UVSSA: variants seen among roughly 807,000 people sequenced by gnomAD.
UVSSA encodes the protein UV-stimulated scaffold protein A.
Under a neutral mutation model 73.9 loss-of-function variants are expected in UVSSA, and 72 were observed. The ratio of observed to expected loss-of-function variants is 0.97; its 90% CI spans 0.81 to 1.19. UVSSA has a LOEUF of 1.19. Among genes scored for constraint, UVSSA ranks in the 50% most tolerant of loss-of-function variants. The pLI is 0.00. For missense variants in UVSSA, 1,150 were observed against 965.0 expected, an observed-to-expected ratio of 1.19 and a Z score of -2.54; for synonymous variants, 454 against 391.3, an observed-to-expected ratio of 1.16 and a Z score of -1.89.
intron 7 of UVSSA, among the ~76,000 whole-genome samples, chr4:1,356,375 C>T (rs562867089): frequency 6.6e-6 from 1 of 152,274 alleles, no homozygotes; most frequent in Admixed American, 6.5e-5. Context: ...GTGTGCAGCC[C>T]CCCCAGGGGC....
At chr4:1,360,183 G>A (rs368496075) in intron 7 of UVSSA, among the ~76,000 whole-genome samples, 1 of 152,246 alleles carries the variant, frequency 6.6e-6, no homozygotes, top group Non-Finnish European at 1.5e-5. Context: ...GCCCACGGGG[G>A]GCGGGGTGCA....
intron 8 of UVSSA, among the ~76,000 whole-genome samples, chr4:1,367,633 G>T (rs1464836925): frequency 1.3e-5 from 2 of 152,120 alleles, no homozygotes; most frequent in African/African-American, 4.8e-5. Context: ...GGGTCTGGAA[G>T]AAAGCCTCAG....
At chr4:1,350,808 G>A (rs1303813516) in intron 3 of UVSSA, among the ~76,000 whole-genome samples, 3 of 151,920 alleles carry the variant, frequency 2.0e-5, no homozygotes, top group Non-Finnish European at 4.4e-5. Flanking sequence ...CAGACGCATA[G>A]GGCTCTTGGC....
chr4:1,346,093 G>A (rs1713648751), upstream of UVSSA, among the ~76,000 whole-genome samples: 2 of 152,184 alleles, frequency 1.3e-5, no homozygotes, highest in East Asian at 1.9e-4. Flanking sequence ...TGACGCCCAG[G>A]GACAGAAGCT....
Position 1,387,326 on chromosome 4 carries a change from T to G in UVSSA, c.*1365T>G, listed in dbSNP as rs1281196688. 1.3e-5 allele frequency: 2 copies of G among 152,184 alleles called. No individual in the cohort carries two copies. Among genetic ancestry groups the G allele is most frequent in the Non-Finnish European group, 2.9e-5 (2 of 68,042 alleles). 9.4% of individuals were successfully genotyped at this position (152,184 alleles called of 1,614,324 possible). On this transcript the variant is annotated 3_prime_UTR_variant, in exon 14 of 14. Transcript: ENST00000389851. ...CTCTTGACCTCGTGATCCACCCACC[T>G]CGGCCTCCCATAGTGCTGGGATTAC... is the stretch of plus-strand genomic sequence containing the variant.
At chr4:1,383,990 G>A (rs759083328) in intron 13 of UVSSA, 50 bp downstream of exon 13, 1 of 1,541,100 alleles carries the variant, frequency 6.5e-7, no homozygotes, top group South Asian at 1.2e-5. Flanking sequence ...CCCCGTGTGA[G>A]GGTGTTCGAG....
chr4:1,393,138 T>A (rs1005102427), exon 14 of UVSSA: 1 of 152,236 alleles, frequency 6.6e-6, no homozygotes, highest in Admixed American at 6.5e-5. Flanking sequence ...TTTTTTCTTC[T>A]TCTCAGAATG....
In UVSSA at chr4:1,353,029, G is replaced by T. The variant is rs886579502; in HGVS notation, c.551-1G>T. ...AAACAGGTGTCTTGATCTTCCGGCAGAAATGTCTGGAGAAATTGAATCCTG... is the reference window on the plus strand; with the variant it reads ...AAACAGGTGTCTTGATCTTCCGGCATAAATGTCTGGAGAAATTGAATCCTG... On this transcript the variant is annotated splice_acceptor_variant, in intron 4 of 13. Transcript: ENST00000389851. LOFTEE classifies it high-confidence loss of function. 6.2e-6 allele frequency: 10 copies of T among 1,605,876 alleles called. No individual in the cohort carries two copies. Among genetic ancestry groups the T allele is most frequent in the Non-Finnish European group, 8.5e-6 (10 of 1,175,842 alleles).
chr4:1,383,342 C>T (rs907840414), intron 12 of UVSSA, among the ~76,000 whole-genome samples: 2 of 152,182 alleles, frequency 1.3e-5, no homozygotes, highest in Non-Finnish European at 2.9e-5. Flanking sequence ...CACAGTTTGC[C>T]TAGTGGGGCA....
Position 1,349,729 on chromosome 4 carries a change from C to G in UVSSA, c.304C>G (p.Pro102Ala), listed in dbSNP as rs547223483. The stretch of plus-strand genomic sequence containing the variant: ...AGACCCCGCACAGCCTCTGCCGCCC[C>G]CCAGGGAGGCGGCACAGAGGCTGAG... ...GTDPAQPLPPPREAAQRLRQA... is the reference protein window; with the variant it reads ...GTDPAQPLPPAREAAQRLRQA... The change falls in exon 3 of 14, where the codon CCC becomes GCC. Residue 102 changes from proline (P) to alanine (A), a missense_variant. Coordinates refer to ENST00000389851, the MANE Select transcript of UVSSA (RefSeq NM_020894.4). 1 of 1,613,608 alleles carries G rather than the reference C, an allele frequency of 6.2e-7. No individual in the cohort carries two copies. Among genetic ancestry groups the G allele is most frequent in the South Asian group, 1.1e-5 (1 of 91,068 alleles).
chr4:1,365,906 A>C (rs1201481917), intron 7 of UVSSA, among the ~76,000 whole-genome samples: 2 of 151,398 alleles, frequency 1.3e-5, no homozygotes, highest in African/African-American at 2.4e-5. Context: ...CCTGGTGAGA[A>C]GATAACTGCC....
In UVSSA at chr4:1,376,157, G is replaced by A. The variant is rs769154973; in HGVS notation, c.1557G>A (p.Gly519=). 2.5e-6 allele frequency: 4 copies of A among 1,610,220 alleles called. No individual in the cohort carries two copies. The highest frequency in any genetic ancestry group is 2.5e-6 in the Non-Finnish European group (3 of 1,178,526). Reference sequence around the variant, plus strand: ...GGGGCCAGGAGCTCCCCACAGCCGGGAAGATTGTCAAGTGAGTCCCCATGT... The same window carrying A: ...GGGGCCAGGAGCTCCCCACAGCCGGAAAGATTGTCAAGTGAGTCCCCATGT... The part of the protein sequence containing the change: ...HYWGQELPTA[G]KIVKSDSQHR... The change falls in exon 10 of 14, where the codon GGG becomes GGA. Residue 519 remains glycine, a synonymous_variant. Coordinates refer to ENST00000389851, the MANE Select transcript of UVSSA (RefSeq NM_020894.4).
intron 10 of UVSSA, among the ~76,000 whole-genome samples, chr4:1,376,918 G>A (rs1718844966): frequency 6.6e-6 from 1 of 152,214 alleles, no homozygotes; most frequent in Admixed American, 6.5e-5. Context: ...TCCTTAGAGG[G>A]CAGAGGTGGG....
At position 1,384,050 on chromosome 4, in the gene UVSSA, G is replaced by T. The variant is rs577393883; in HGVS notation, c.2036+110G>T. 6 of 1,347,254 alleles carry T rather than the reference G, an allele frequency of 4.5e-6. No homozygotes were observed. In the Admixed American group the frequency reaches 8.4e-5, roughly 19 times the overall value. The allele number at this position is 1,347,254 out of a possible 1,614,324, so 83.5% of individuals were successfully genotyped here. On this transcript the variant is annotated intron_variant, in intron 13 of 13. Transcript: ENST00000389851. ...TTCCAGGGACTTGGGGCCTCCAGGGGCTCCCCTGCTTTGAGTTCCCCTGGG... is the reference window on the plus strand; with the variant it reads ...TTCCAGGGACTTGGGGCCTCCAGGGTCTCCCCTGCTTTGAGTTCCCCTGGG...
chr4:1,378,290 C>G (rs1466915832), intron 10 of UVSSA, among the ~76,000 whole-genome samples: 1 of 152,212 alleles, frequency 6.6e-6, no homozygotes, highest in Non-Finnish European at 1.5e-5. Context: ...CAGTGGCTCA[C>G]GCCTGTAATC....
chr4:1,359,226 G>A (rs1352378563), intron 7 of UVSSA: 1 of 152,246 alleles, frequency 6.6e-6, no homozygotes, highest in African/African-American at 2.4e-5. Context: ...CTCAACGCTG[G>A]TTTGAATATG....
chr4:1,346,447 A>G (rs1357625212), upstream of UVSSA, among the ~76,000 whole-genome samples: 3 of 152,094 alleles, frequency 2.0e-5, no homozygotes, highest in Non-Finnish European at 2.9e-5. Flanking sequence ...TCCGCAGCCG[A>G]CCTCGCACTC....
At position 1,354,817 on chromosome 4, in the gene UVSSA, G is replaced by T. The variant is rs759345772; in HGVS notation, c.1017G>T (p.Lys339Asn). Reference sequence around the variant, plus strand: ...ACACACTCAAGCTCATCCGGAACAAGTTCCTGCCGGCTGTGTGCTCGTGGA... The same window carrying T: ...ACACACTCAAGCTCATCCGGAACAATTTCCTGCCGGCTGTGTGCTCGTGGA... ...ARDTLKLIRN[K>N]FLPAVCSWIQ... The change falls in exon 6 of 14, where the codon AAG becomes AAT. Residue 339 changes from lysine to asparagine, a missense_variant. Lys to Asn is a moderately conservative substitution (Grantham distance 94). Coordinates refer to ENST00000389851, the MANE Select transcript of UVSSA (RefSeq NM_020894.4). 6.2e-7 allele frequency: 1 copy of T among 1,611,612 alleles called. No homozygotes were observed. The highest frequency in any genetic ancestry group is 8.5e-7 in the Non-Finnish European group (1 of 1,178,806).
At chr4:1,372,861 T>TAC (rs1560469407) in intron 8 of UVSSA, among the ~76,000 whole-genome samples, 4 of 31,386 alleles carry the variant, frequency 1.3e-4, no homozygotes, top group Non-Finnish European at 6.0e-4. Context: ...CCCGCGTCCC[T>TAC]GCACTCACCT....
Sources: allele counts gnomAD v4.1 joint callset (sites outside exome capture counted in the v4.1 genomes callset), GRCh38; gene constraint gnomAD v4.1.1; transcripts MANE v1.5; gene names NCBI Gene and HGNC (gene_info 2026-07-23, HGNC 2026-07-21).